Variants in CTNNA2 observed in about 807,000 individuals in gnomAD.
CTNNA2 encodes the protein catenin alpha-2.
A neutral mutation model predicts 101.0 loss-of-function variants in CTNNA2; 42 were observed. The observed-to-expected ratio is 0.42, with a 90% CI of 0.32 to 0.54. The LOEUF (loss-of-function observed/expected upper bound fraction) is 0.54. CTNNA2 is among the 20% of genes least tolerant of loss of function. The pLI, the probability that CTNNA2 is intolerant of heterozygous loss-of-function variation, is 0.14. For missense variants in CTNNA2, 871 were observed against 1,223.1 expected (o/e 0.71, Z 4.29); for synonymous variants, 450 against 456.4 (o/e 0.99, Z 0.18).
chr2:80,309,389 G>T (rs150660395), intron 7 of CTNNA2, among the ~76,000 whole-genome samples: 1 of 152,110 alleles, frequency 6.6e-6, no homozygotes, highest in East Asian at 1.9e-4. Context: ...AACTCCATTA[G>T]CAGCTTACTT....
intron 2 of CTNNA2, among the ~76,000 whole-genome samples, chr2:79,208,327 C>A (rs1674127168): frequency 1.3e-5 from 2 of 152,164 alleles, no homozygotes; most frequent in Admixed American, 6.5e-5. Flanking sequence ...GATTCTCTAA[C>A]AATGAGCTCA....
intron 2 of CTNNA2, among the ~76,000 whole-genome samples, chr2:79,685,933 C>G (rs940285753): frequency 3.9e-5 from 6 of 152,078 alleles, no homozygotes; most frequent in Non-Finnish European, 5.9e-5. Flanking sequence ...GTGCAGCGTA[C>G]TGACCACTGA....
chr2:79,496,042 G>A (rs1174608568), intron 4 of CTNNA2, among the ~76,000 whole-genome samples: 1 of 152,046 alleles, frequency 6.6e-6, no homozygotes, highest in African/African-American at 2.4e-5. Context: ...AATGTCTTTT[G>A]GGGTAATGAA....
intron 1 of CTNNA2, among the ~76,000 whole-genome samples, chr2:79,573,151 A>G (rs147372837): frequency 1.1e-4 from 16 of 152,328 alleles, no homozygotes; most frequent in African/African-American, 3.4e-4. Context: ...ATTTTAAAAC[A>G]AAATTACTGT....
chr2:80,376,547 G>A (rs1250147876), intron 7 of CTNNA2, among the ~76,000 whole-genome samples: 3 of 151,986 alleles, frequency 2.0e-5, no homozygotes, highest in Non-Finnish European at 4.4e-5. Flanking sequence ...GGAACTTCTG[G>A]AGTCATTACA....
chr2:79,454,105 A>G (rs1248933505), intron 4 of CTNNA2, among the ~76,000 whole-genome samples: 4 of 152,142 alleles, frequency 2.6e-5, no homozygotes, highest in African/African-American at 9.7e-5. Context: ...CATGACCGAA[A>G]GGATTCGTGA....
chr2:79,532,997 C>T (rs1169144890), intron 1 of CTNNA2, among the ~76,000 whole-genome samples: 1 of 151,982 alleles, frequency 6.6e-6, no homozygotes, highest in Non-Finnish European at 1.5e-5. Flanking sequence ...TATTCCTCTC[C>T]CATACCCCTG....
intron 1 of CTNNA2, among the ~76,000 whole-genome samples, chr2:79,587,289 G>T (rs1676558554): frequency 6.6e-6 from 1 of 151,860 alleles, no homozygotes; most frequent in South Asian, 2.1e-4. Flanking sequence ...TAATTTAATA[G>T]GAAAGCCTGA....
intron 4 of CTNNA2, among the ~76,000 whole-genome samples, chr2:79,417,156 G>A (rs1309839187): frequency 6.6e-6 from 1 of 152,054 alleles, no homozygotes; most frequent in Non-Finnish European, 1.5e-5. Flanking sequence ...GAATTTAAGG[G>A]ATATGAACTG....
intron 8 of CTNNA2, among the ~76,000 whole-genome samples, chr2:80,418,133 G>A (rs1404042345): frequency 6.6e-6 from 1 of 152,088 alleles, no homozygotes; most frequent in Non-Finnish European, 1.5e-5. Flanking sequence ...GCCACGGCAG[G>A]TCAATTTCAA....
chr2:80,243,032 G>A (rs1469031872), intron 7 of CTNNA2, among the ~76,000 whole-genome samples: 2 of 152,142 alleles, frequency 1.3e-5, no homozygotes, highest in East Asian at 1.9e-4. Context: ...AGAGCTAGAG[G>A]GTGACTCCAC....
intron 7 of CTNNA2, among the ~76,000 whole-genome samples, chr2:80,345,814 CT>C (rs1270492723): frequency 6.6e-6 from 1 of 151,962 alleles, no homozygotes; most frequent in African/African-American, 2.4e-5. Flanking sequence ...GCTAATGTAT[CT>C]TCTTAAATTT....
At chr2:80,015,855 T>G (rs1694106060) in intron 7 of CTNNA2, among the ~76,000 whole-genome samples, 1 of 152,192 alleles carries the variant, frequency 6.6e-6, no homozygotes, top group Non-Finnish European at 1.5e-5. Context: ...CTGATAGCAT[T>G]CAGTGGTCAA....
intron 1 of CTNNA2, among the ~76,000 whole-genome samples, chr2:79,561,290 T>TTATGCA (rs1391187863): frequency 1.3e-5 from 2 of 151,962 alleles, no homozygotes; most frequent in Admixed American, 1.3e-4. Context: ...ATATGCTATT[T>TTATGCA]TATGCATATA....
chr2:80,074,879 C>T (rs1259307437), intron 7 of CTNNA2, among the ~76,000 whole-genome samples: 1 of 152,166 alleles, frequency 6.6e-6, no homozygotes, highest in Non-Finnish European at 1.5e-5. Context: ...AAGATCCTGG[C>T]TGAACCCTAT....
intron 7 of CTNNA2, among the ~76,000 whole-genome samples, chr2:80,044,791 A>T (rs1376611599): frequency 6.6e-6 from 1 of 152,160 alleles, no homozygotes; most frequent in East Asian, 1.9e-4. Context: ...CATATAAAAA[A>T]TTTATTCTAC....
chr2:80,095,361 T>A (rs1700078446), intron 7 of CTNNA2, among the ~76,000 whole-genome samples: 3 of 151,912 alleles, frequency 2.0e-5, no homozygotes, highest in African/African-American at 4.8e-5. Flanking sequence ...GCCCACTTGA[T>A]CATGGTGGAT....
rs1198987744 is a variant in CTNNA2 at position 79,559,655 on chromosome 2, A to G, written c.-6+46448A>G. 5.3e-5 allele frequency among the ~76,000 whole-genome samples: 8 copies of G among 152,064 alleles called. No individual in the cohort carries two copies. The East Asian group carries it at 1.5e-3, about 29-fold the overall frequency. ...TCTTGGCACCTGACAAAGATGATCA[A>G]ATGCACTTTGGATGGACAGAGAGTA... is the stretch of plus-strand genomic sequence containing the variant. On this transcript the variant is annotated intron_variant, in intron 1 of 18. Coordinates refer to ENST00000402739, the MANE Select transcript of CTNNA2 (RefSeq NM_001282597.3).
At chr2:80,569,288 A>G (rs1166816051) in intron 12 of CTNNA2, among the ~76,000 whole-genome samples, 1 of 152,130 alleles carries the variant, frequency 6.6e-6, no homozygotes, top group East Asian at 1.9e-4. Flanking sequence ...ACTCCTAGGG[A>G]TATCATCGTT....
Sources: gnomAD v4.1 joint callset for allele counts (sites outside exome capture counted in the v4.1 genomes callset) on GRCh38, gnomAD v4.1.1 for gene constraint, MANE v1.5 for transcripts, NCBI Gene and HGNC (gene_info 2026-07-23, HGNC 2026-07-21) for gene names.